The following NEGR1 variants were observed in gnomAD, a reference collection of about 807,000 sequenced individuals.
The protein encoded by NEGR1 is neuronal growth regulator 1.
In NEGR1, 10 loss-of-function variants were observed where a neutral mutation model predicts 40.9. The ratio of observed to expected loss-of-function variants is 0.24; its 90% CI spans 0.15 to 0.42. The LOEUF is 0.42. Ranked by LOEUF, NEGR1 falls within the 10% of genes least tolerant of loss-of-function variation. The probability of loss-of-function intolerance (pLI) is 1.00; values close to 1 mark genes in which losing one functional copy is unlikely to be tolerated. For missense variants in NEGR1, 352 were observed against 438.9 expected (o/e 0.80, Z 1.77); for synonymous variants, 185 against 166.8 (o/e 1.11, Z -0.84).
At chr1:71,676,463 A>G (rs1557609199) in intron 4 of NEGR1, among the ~76,000 whole-genome samples, 2 of 152,196 alleles carry the variant, frequency 1.3e-5, no homozygotes, top group Admixed American at 1.3e-4. Context: ...TAGCAGTACA[A>G]TGAAATGATT....
At chr1:71,576,417 C>T (rs1284022064) in intron 6 of NEGR1, among the ~76,000 whole-genome samples, 1 of 152,146 alleles carries the variant, frequency 6.6e-6, no homozygotes, top group Non-Finnish European at 1.5e-5. Flanking sequence ...GACAACATGT[C>T]ACATTCAGGC....
intron 2 of NEGR1, among the ~76,000 whole-genome samples, chr1:71,895,320 G>A (rs1400987284): frequency 6.6e-6 from 1 of 151,992 alleles, no homozygotes; most frequent in Non-Finnish European, 1.5e-5. Context: ...TTTTTATTGA[G>A]ATATTATACA....
At chr1:72,004,690 G>A (rs564375086) in intron 1 of NEGR1, among the ~76,000 whole-genome samples, 1 of 152,030 alleles carries the variant, frequency 6.6e-6, no homozygotes, top group East Asian at 1.9e-4. Context: ...AACATCCTTG[G>A]TATGGCAAAA....
chr1:71,450,935 A>C (rs187323497), intron 6 of NEGR1, among the ~76,000 whole-genome samples: 1 of 143,564 alleles, frequency 7.0e-6, no homozygotes, highest in African/African-American at 3.0e-5. Flanking sequence ...ACACATTTTT[A>C]AAAAAAGTGG....
At chr1:71,806,042 T>G (rs535695329) in intron 2 of NEGR1, among the ~76,000 whole-genome samples, 1 of 152,248 alleles carries the variant, frequency 6.6e-6, no homozygotes, top group African/African-American at 2.4e-5. Context: ...TTAAGTAATA[T>G]CTAACTCAAG....
chr1:71,419,766 C>T (rs997743962), intron 6 of NEGR1, among the ~76,000 whole-genome samples: 2 of 152,006 alleles, frequency 1.3e-5, no homozygotes, highest in African/African-American at 4.8e-5. Context: ...GTTCTTTCCT[C>T]AAGACTCTAT....
intron 1 of NEGR1, among the ~76,000 whole-genome samples, chr1:72,280,014 A>C (rs1044866088): frequency 2.0e-5 from 3 of 152,186 alleles, no homozygotes; most frequent in Non-Finnish European, 4.4e-5. Flanking sequence ...ACTAAAATCT[A>C]ATTTGTTAGA....
intron 6 of NEGR1, among the ~76,000 whole-genome samples, chr1:71,553,959 T>G (rs1648168733): frequency 6.6e-6 from 1 of 151,392 alleles, no homozygotes; most frequent in Non-Finnish European, 1.5e-5. Context: ...AAAATAAGAG[T>G]TAATAGTAAC....
At chr1:72,056,336 T>G (rs1432508915) in intron 1 of NEGR1, among the ~76,000 whole-genome samples, 1 of 151,366 alleles carries the variant, frequency 6.6e-6, no homozygotes, top group African/African-American at 2.4e-5. Flanking sequence ...TCATTATTTA[T>G]TGCATTTTTT....
At chr1:71,429,037 A>C (rs1569859943) in intron 6 of NEGR1, among the ~76,000 whole-genome samples, 1 of 152,314 alleles carries the variant, frequency 6.6e-6, no homozygotes, top group East Asian at 1.9e-4. Context: ...GCCAGTATGA[A>C]GTTAGAAGAA....
chr1:71,722,618 T>C (rs1291389023), intron 3 of NEGR1, among the ~76,000 whole-genome samples: 1 of 152,164 alleles, frequency 6.6e-6, no homozygotes, highest in Admixed American at 6.6e-5. Flanking sequence ...TTTTTGTTAA[T>C]TGGTCTTGGG....
intron 1 of NEGR1, among the ~76,000 whole-genome samples, chr1:72,157,120 G>C (rs898231763): frequency 1.3e-5 from 2 of 151,960 alleles, no homozygotes; most frequent in African/African-American, 2.4e-5. Context: ...ATGCCACCTT[G>C]TCTGGCTATG....
At chr1:71,714,676 A>C (rs931478858) in intron 3 of NEGR1, among the ~76,000 whole-genome samples, 1 of 152,212 alleles carries the variant, frequency 6.6e-6, no homozygotes, top group Non-Finnish European at 1.5e-5. Context: ...TTAAAGTTCC[A>C]AAATGATCTC....
chr1:72,257,321 C>CAAAA lies in NEGR1; in HGVS notation c.176+24994_176+24997dup, dbSNP rs34220734. On this transcript the variant is annotated intron_variant, in intron 1 of 6. Transcript: ENST00000357731. ...TGGGCGACAGAGCGAGACTCTGTCT[C>CAAAA]AAAAAAAAAAAAAAAAAAAAAAAGA... 1.6e-3 allele frequency among the ~76,000 whole-genome samples: 89 copies of CAAAA among 57,102 alleles called. 1 individual carries two copies. The highest frequency in any genetic ancestry group is 2.2e-3 in the African/African-American group (34 of 15,172). The allele number at this position is 57,102 out of a possible 152,430, so 37.5% of individuals were successfully genotyped here.
rs562655818 is a variant in NEGR1, at chr1:72,144,795, T to C, written c.176+137524A>G. 2.0e-4 allele frequency among the ~76,000 whole-genome samples: 30 copies of C among 152,176 alleles called. No homozygotes were observed. In the South Asian group the frequency reaches 5.4e-3, roughly 27 times the overall value. On this transcript the variant is annotated intron_variant, in intron 1 of 6. Transcript: ENST00000357731. ...TCTGTCTTCTTTTGAAATATCTTCT[T>C]GCTTCCCTGACTGTACCCCCATGTA... is the stretch of plus-strand genomic sequence containing the variant.
At chr1:71,858,918 A>G (rs1201242108) in intron 2 of NEGR1, among the ~76,000 whole-genome samples, 1 of 151,810 alleles carries the variant, frequency 6.6e-6, no homozygotes, top group Non-Finnish European at 1.5e-5. Context: ...TGCTGCTCCT[A>G]TTTTCCAAGT....
chr1:72,015,886 T>C (rs1646705467), intron 1 of NEGR1, among the ~76,000 whole-genome samples: 1 of 151,870 alleles, frequency 6.6e-6, no homozygotes, highest in South Asian at 2.1e-4. Flanking sequence ...TCAAAGTATA[T>C]CAGAATAAAA....
intron 4 of NEGR1, among the ~76,000 whole-genome samples, chr1:71,695,512 T>C (rs1008780771): frequency 1.3e-5 from 2 of 151,744 alleles, no homozygotes; most frequent in East Asian, 3.9e-4. Flanking sequence ...TGTTTTAAAA[T>C]TTTCTCCCTT....
intron 1 of NEGR1, among the ~76,000 whole-genome samples, chr1:72,049,236 G>A (rs1647034230): frequency 6.6e-6 from 1 of 151,612 alleles, no homozygotes; most frequent in African/African-American, 2.4e-5. Flanking sequence ...AGCTCTTCAG[G>A]AGGCTGAGGC....
Sources: gnomAD v4.1 joint callset for allele counts (sites outside exome capture counted in the v4.1 genomes callset) on GRCh38, gnomAD v4.1.1 for gene constraint, MANE v1.5 for transcripts, NCBI Gene and HGNC (gene_info 2026-07-23, HGNC 2026-07-21) for gene names.